Variants in URAD observed in about 807,000 individuals in gnomAD.
URAD encodes the protein putative 2-oxo-4-hydroxy-4-carboxy-5-ureidoimidazoline decarboxylase.
In URAD, 4 loss-of-function variants were observed where a neutral mutation model predicts 4.6. That is an observed-to-expected ratio of 0.87 (90% CI 0.43 to 1.98). URAD has a LOEUF of 1.98. Ranked by LOEUF, URAD falls within the 30% of genes most tolerant of loss-of-function variation. The pLI is 0.03. For missense variants in URAD, 300 were observed against 255.3 expected, an observed-to-expected ratio of 1.18 and a Z score of -1.19; for synonymous variants, 144 against 118.2, an observed-to-expected ratio of 1.22 and a Z score of -1.41.
intron 1 of URAD, among the ~76,000 whole-genome samples, chr13:27,980,521 T>C (rs1869843794): frequency 1.3e-5 from 2 of 152,100 alleles, no homozygotes; most frequent in East Asian, 3.9e-4. Context: ...AAAGTGCGAG[T>C]CTTGGGCGGC....
At chr13:27,988,287 TC>T (rs1870095194) in intron 1 of URAD, among the ~76,000 whole-genome samples, 175 bp downstream of exon 1, 1 of 152,150 alleles carries the variant, frequency 6.6e-6, no homozygotes, top group African/African-American at 2.4e-5. Context: ...GCAACAGATC[TC>T]ATCATGTTGC....
intron 1 of URAD, among the ~76,000 whole-genome samples, chr13:27,987,583 C>T (rs1870065795): frequency 6.6e-6 from 1 of 152,194 alleles, no homozygotes; most frequent in Non-Finnish European, 1.5e-5. Flanking sequence ...TGGTATCCAG[C>T]TGTCCTCTCT....
At chr13:27,987,946 A>C (rs1172648904) in intron 1 of URAD, among the ~76,000 whole-genome samples, 3 of 147,514 alleles carry the variant, frequency 2.0e-5, no homozygotes, top group East Asian at 4.1e-4. Flanking sequence ...TTTTAAAAAC[A>C]ACTTTTTTTG....
At chr13:27,983,841 A>T (rs889691817) in intron 1 of URAD, among the ~76,000 whole-genome samples, 2 of 152,096 alleles carry the variant, frequency 1.3e-5, no homozygotes, top group Non-Finnish European at 1.5e-5. Context: ...CCAACACAGC[A>T]CTTTTGGTAA....
At chr13:27,982,045 G>A (rs745409062) in intron 1 of URAD, among the ~76,000 whole-genome samples, 3 of 152,032 alleles carry the variant, frequency 2.0e-5, no homozygotes, top group Non-Finnish European at 4.4e-5. Context: ...CTCATTAAGG[G>A]CATCTTGCCT....
intron 1 of URAD, 79 bp from the exon 2 acceptor site, chr13:27,978,531 C>T (rs1317182725): frequency 1.5e-5 from 17 of 1,105,048 alleles, no homozygotes; most frequent in Non-Finnish European, 2.0e-5. Flanking sequence ...GGCGCGTAGG[C>T]CGCGCCCGGC....
At chr13:27,987,255 G>T (rs1870057325) in intron 1 of URAD, among the ~76,000 whole-genome samples, 1 of 152,008 alleles carries the variant, frequency 6.6e-6, no homozygotes, top group South Asian at 2.1e-4. Context: ...TACATTTCAG[G>T]TTTCTCCACA....
chr13:27,980,837 T>A (rs143635724), intron 1 of URAD, among the ~76,000 whole-genome samples: 16 of 152,090 alleles, frequency 1.1e-4, no homozygotes, highest in African/African-American at 3.9e-4. Flanking sequence ...CTCTAGAGTT[T>A]GTCTCCCGCT....
In URAD at chr13:27,988,674, TC is replaced by T; in HGVS notation, c.-38del. 1 of 1,534,610 alleles carries T rather than the reference TC, an allele frequency of 6.5e-7. No individual in the cohort carries two copies. Among genetic ancestry groups the T allele is most frequent in the Non-Finnish European group, 8.8e-7 (1 of 1,138,784 alleles). ...CACTGGAGACAGCGGGACGTCCAGCTCCCCTCTCGGTGAGTGAGTGACGCTG... is the reference window on the plus strand; with the variant it reads ...CACTGGAGACAGCGGGACGTCCAGCTCCCTCTCGGTGAGTGAGTGACGCTG... On this transcript the variant is annotated 5_prime_UTR_variant, in exon 1 of 2. Transcript: ENST00000332715.
intron 1 of URAD, among the ~76,000 whole-genome samples, chr13:27,980,541 C>T (rs139357936): frequency 4.8e-4 from 73 of 152,306 alleles, no homozygotes; most frequent in African/African-American, 1.7e-3. Flanking sequence ...CTGGACCTTC[C>T]GCGCCTCCTC....
At position 27,978,256 on chromosome 13, in the gene URAD, G is replaced by A. The variant is rs1477358671; in HGVS notation, c.372C>T (p.Arg124=). ...RFGFPFVLAA[R]FSDRTAVPRE... is the part of the protein sequence containing the mutation. ...GCGGCACCGCCGTCCGGTCGCTGAA[G>A]CGCGCGGCGAGCACGAAGGGGAAAC... The change falls in exon 2 of 2, where the codon CGC becomes CGT. Residue 124 remains arginine, a synonymous_variant. Coordinates refer to ENST00000332715, the MANE Select transcript of URAD (RefSeq NM_001105577.2). 3 of 1,443,084 alleles carry A rather than the reference G, an allele frequency of 2.1e-6. No individual in the cohort carries two copies. In the African/African-American group the frequency reaches 4.5e-5, roughly 21 times the overall value. 89.4% of individuals were successfully genotyped at this position (1,443,084 alleles called of 1,614,324 possible). A position where few individuals can be genotyped will look rare whatever the true frequency, so the allele number is the denominator to read the frequency against.
At chr13:27,986,644 C>T (rs1240752556) in intron 1 of URAD, among the ~76,000 whole-genome samples, 1 of 152,218 alleles carries the variant, frequency 6.6e-6, no homozygotes, top group East Asian at 1.9e-4. Flanking sequence ...CTTTCTCTCT[C>T]AACACGCTCC....
intron 1 of URAD, among the ~76,000 whole-genome samples, chr13:27,985,261 A>C (rs1264036577): frequency 6.6e-6 from 1 of 152,004 alleles, no homozygotes; most frequent in Non-Finnish European, 1.5e-5. Flanking sequence ...AATTTGAGAC[A>C]AGCATGGCCA....
At chr13:27,986,752 A>G (rs1870040160) in intron 1 of URAD, among the ~76,000 whole-genome samples, 1 of 151,782 alleles carries the variant, frequency 6.6e-6, no homozygotes, top group South Asian at 2.1e-4. Flanking sequence ...TGAGGCTGTC[A>G]TTTTGCCTCC....
At chr13:27,987,668 C>T (rs1459818884) in intron 1 of URAD, among the ~76,000 whole-genome samples, 1 of 152,152 alleles carries the variant, frequency 6.6e-6, no homozygotes, top group African/African-American at 2.4e-5. Flanking sequence ...CTTTAGCCTC[C>T]GAATCACTCT....
intron 1 of URAD, among the ~76,000 whole-genome samples, chr13:27,979,696 G>A (rs1195196175): frequency 1.3e-5 from 2 of 152,176 alleles, no homozygotes; most frequent in African/African-American, 4.8e-5. Flanking sequence ...AGGCGCGCAC[G>A]TAAAACACCG....
chr13:27,984,363 C>T (rs1869958114), intron 1 of URAD, among the ~76,000 whole-genome samples: 1 of 152,180 alleles, frequency 6.6e-6, no homozygotes, highest in African/African-American at 2.4e-5. Flanking sequence ...AAACCTTTGC[C>T]TCATCTTTAA....
Position 27,988,622 on chromosome 13 carries a change from C to T in URAD, c.16G>A (p.Val6Ile), listed in dbSNP as rs367941920. The T allele has an allele frequency of 1.1e-5, 18 of 1,608,130 alleles. No homozygotes were observed. In the African/African-American group the frequency reaches 2.3e-4, roughly 20 times the overall value. ...AATTCTCCAAGGTCCATGGAGTTGA[C>T]CTTCTCAATGTCCATTCCTTGTATT... Reference protein sequence around the residue: MDIEKVNSMDLGEFVD... With the variant: MDIEKINSMDLGEFVD... Residue 6 changes from valine to isoleucine, a missense_variant, in exon 1 of 2, where the codon GTC becomes ATC. Transcript: ENST00000332715.
intron 1 of URAD, among the ~76,000 whole-genome samples, chr13:27,987,758 C>G (rs1870070506): frequency 6.6e-6 from 1 of 152,194 alleles, no homozygotes; most frequent in South Asian, 2.1e-4. Flanking sequence ...CCGCATTCTT[C>G]CAGTCCATGT....
Sources: allele counts gnomAD v4.1 joint callset (sites outside exome capture counted in the v4.1 genomes callset), GRCh38; gene constraint gnomAD v4.1.1; transcripts MANE v1.5; gene names NCBI Gene and HGNC (gene_info 2026-07-23, HGNC 2026-07-21).